The following ATXN8OS variants were observed in gnomAD, a reference collection of about 807,000 sequenced individuals.
ATXN8OS encodes ATXN8 opposite strand lncRNA.
At chr13:70,161,722 T>C (rs2137505133) in intron 4 of ATXN8OS, among the ~76,000 whole-genome samples, 1 of 151,758 alleles carries the variant, frequency 6.6e-6, no homozygotes, top group East Asian at 1.9e-4. Flanking sequence ...GCCTTTTGAA[T>C]ACCCAACATC....
At chr13:70,143,084 G>A (rs1030743439) in intron 3 of ATXN8OS, among the ~76,000 whole-genome samples, 1 of 149,868 alleles carries the variant, frequency 6.7e-6, no homozygotes. Flanking sequence ...AAAAAAAATC[G>A]TAAATGTACA....
chr13:70,128,880 G>A (rs1168307387), intron 2 of ATXN8OS, among the ~76,000 whole-genome samples: 2 of 149,738 alleles, frequency 1.3e-5, no homozygotes, highest in Non-Finnish European at 3.0e-5. Flanking sequence ...TTGAGACAGA[G>A]TTTTTCTTTT....
chr13:70,132,108 T>C, intron 3 of ATXN8OS, among the ~76,000 whole-genome samples: 1 of 152,262 alleles, frequency 6.6e-6, no homozygotes, highest in Non-Finnish European at 1.5e-5. Flanking sequence ...ACTTTTATAA[T>C]GCATTGAAAA....
At chr13:70,112,841 T>C (rs1374263273) in intron 1 of ATXN8OS, among the ~76,000 whole-genome samples, 1 of 151,462 alleles carries the variant, frequency 6.6e-6, no homozygotes, top group Non-Finnish European at 1.5e-5. Context: ...TTGACAGTGG[T>C]TTATGAACAT....
intron 4 of ATXN8OS, among the ~76,000 whole-genome samples, chr13:70,164,402 G>A (rs1017155537): frequency 2.6e-5 from 4 of 151,578 alleles, no homozygotes; most frequent in African/African-American, 9.7e-5. Context: ...GACACCGTGA[G>A]GATGAAAATA....
chr13:70,156,581 G>T (rs1320722416), intron 4 of ATXN8OS, among the ~76,000 whole-genome samples: 1 of 152,030 alleles, frequency 6.6e-6, no homozygotes, highest in Admixed American at 6.6e-5. Context: ...AAATTAAGGT[G>T]TATTAATCAT....
intron 3 of ATXN8OS, among the ~76,000 whole-genome samples, chr13:70,140,315 C>T (rs1282679954): frequency 1.3e-5 from 2 of 151,874 alleles, no homozygotes; most frequent in East Asian, 1.9e-4. Flanking sequence ...AGTAAGTATT[C>T]GATAAATTTG....
intron 4 of ATXN8OS, among the ~76,000 whole-genome samples, chr13:70,166,573 C>T (rs997355245): frequency 6.6e-5 from 10 of 152,004 alleles, no homozygotes; most frequent in South Asian, 2.1e-4. Context: ...TAGAAGAAAA[C>T]GTAGGCAATA....
chr13:70,123,338 C>G (rs10507780), intron 2 of ATXN8OS, among the ~76,000 whole-genome samples: 25,461 of 152,070 alleles, frequency 0.17, 2,872 homozygotes, highest in African/African-American at 0.32. Context: ...TAGTAAAGTA[C>G]AGCAAGATTT....
intron 4 of ATXN8OS, among the ~76,000 whole-genome samples, chr13:70,154,513 CAT>C (rs1566615633): frequency 6.6e-6 from 1 of 152,072 alleles, no homozygotes; most frequent in Non-Finnish European, 1.5e-5. Context: ...TGACTGAAGA[CAT>C]ATCTTTTGGT....
intron 1 of ATXN8OS, among the ~76,000 whole-genome samples, chr13:70,114,717 C>A (rs1297052464): frequency 6.6e-6 from 1 of 152,064 alleles, no homozygotes; most frequent in Admixed American, 6.5e-5. Flanking sequence ...TTTATGACAT[C>A]CTACCAAGTG....
At chr13:70,152,571 T>A (rs528579687) in intron 4 of ATXN8OS, among the ~76,000 whole-genome samples, 142 of 152,160 alleles carry the variant, frequency 9.3e-4, no homozygotes, top group Non-Finnish European at 1.8e-3. Flanking sequence ...ATTTAGGGCT[T>A]TTTTTCACTT....
At chr13:70,144,146 G>A (rs1285103342) in intron 3 of ATXN8OS, among the ~76,000 whole-genome samples, 1 of 151,752 alleles carries the variant, frequency 6.6e-6, no homozygotes, top group Non-Finnish European at 1.5e-5. Context: ...TTTTCTTATT[G>A]CCCAGAAATA....
Position 70,149,239 on chromosome 13 carries a change from A to T in ATXN8OS, n.573+1811A>T, listed in dbSNP as rs533696906. Among the ~76,000 whole-genome samples the T allele has an allele frequency of 6.6e-5, 10 of 152,272 alleles. No individual in the cohort carries two copies. The South Asian group carries it at 1.9e-3, about 28-fold the overall frequency. ...TTAAGTGTTAGATGTAAGTCATTTC[A>T]TAATTACTCGTGCACTTCAAAAACA... On this transcript the variant is annotated intron_variant and non_coding_transcript_variant, in intron 4 of 4. Transcript: ENST00000678624.
chr13:70,140,865 G>T (rs1181636217), intron 3 of ATXN8OS, among the ~76,000 whole-genome samples: 1 of 151,922 alleles, frequency 6.6e-6, no homozygotes, highest in Admixed American at 6.6e-5. Context: ...TGTGGGCCAG[G>T]TTTCTACTTG....
intron 2 of ATXN8OS, among the ~76,000 whole-genome samples, chr13:70,121,225 G>A (rs1305690441): frequency 6.6e-6 from 1 of 152,052 alleles, no homozygotes; most frequent in Non-Finnish European, 1.5e-5. Flanking sequence ...ATAAGAGCAG[G>A]AAACCTCACA....
At chr13:70,152,596 G>T (rs1226253474) in intron 4 of ATXN8OS, among the ~76,000 whole-genome samples, 5 of 151,894 alleles carry the variant, frequency 3.3e-5, no homozygotes, top group Non-Finnish European at 5.9e-5. Flanking sequence ...CATCATGCAT[G>T]ATGCCCCTAT....
intron 2 of ATXN8OS, among the ~76,000 whole-genome samples, chr13:70,122,823 A>G (rs1888380709): frequency 6.6e-6 from 1 of 152,004 alleles, no homozygotes; most frequent in African/African-American, 2.4e-5. Flanking sequence ...GGAATATTAT[A>G]AAAATCTACC....
At position 70,124,698 on chromosome 13, in the gene ATXN8OS, T is replaced by C. The variant is rs190274217; in HGVS notation, n.399-5086T>C. 5.3e-3 allele frequency among the ~76,000 whole-genome samples: 811 copies of C among 152,190 alleles called. 5 individuals are homozygous for C. Among genetic ancestry groups the C allele is most frequent in the Non-Finnish European group, 9.2e-3 (627 of 67,984 alleles). ...GTTTGGTTGTTGTTATTGTTTTTTT[T>C]CCCCGGAAATCTGGTTTTCCCCAAG... On this transcript the variant is annotated intron_variant and non_coding_transcript_variant, in intron 2 of 4. Transcript: ENST00000678624.
Sources: allele counts gnomAD v4.1 joint callset (sites outside exome capture counted in the v4.1 genomes callset), GRCh38; gene constraint gnomAD v4.1.1; transcripts MANE v1.5; gene names NCBI Gene and HGNC (gene_info 2026-07-23, HGNC 2026-07-21).